Variants in A2M observed in about 807,000 individuals in gnomAD.
A2M encodes the protein C3 and PZP-like alpha-2-macroglobulin domain-containing protein 5.
Under a neutral mutation model 183.9 loss-of-function variants are expected in A2M, and 128 were observed. That is an observed-to-expected ratio of 0.70 (90% CI 0.60 to 0.81). The LOEUF (loss-of-function observed/expected upper bound fraction) is 0.81, where lower values mean the gene tolerates loss of function less well. Ranked by LOEUF, A2M falls within the 30% of genes least tolerant of loss-of-function variation. The probability of loss-of-function intolerance (pLI) is 0.00; values close to 1 mark genes in which losing one functional copy is unlikely to be tolerated. For synonymous variants in A2M, 592 were observed against 670.8 expected, an observed-to-expected ratio of 0.88 and a Z score of 1.81; for missense variants, 1,495 against 1,787.6, an observed-to-expected ratio of 0.84 and a Z score of 2.95.
intron 22 of A2M, among the ~76,000 whole-genome samples, chr12:9,083,575 T>C (rs182174315): frequency 5.9e-5 from 9 of 151,438 alleles, no homozygotes; most frequent in African/African-American, 2.2e-4. Context: ...AGCTCAAAGA[T>C]AGAGTATTTG....
At chr12:9,083,865 C>A (rs1048464960) in intron 22 of A2M, among the ~76,000 whole-genome samples, 8 of 151,238 alleles carry the variant, frequency 5.3e-5, no homozygotes, top group African/African-American at 1.9e-4. Context: ...GAAAGAACTG[C>A]TCACTAAGAC....
rs1422650502 is a variant in A2M at position 9,093,497 on chromosome 12, A to G, written c.2208T>C (p.Pro736=). The change falls in exon 18 of 36, where the codon CCT becomes CCC. Residue 736 remains proline (P), a synonymous_variant. Transcript: ENST00000318602. ...PHTETVRKYF[P]ETWIWDLVVV... ...CCACCAAATCCCAGATCCATGTCTC[A>G]GGGAAGTACTTTCGTACGGTCTCCG... 6.2e-7 allele frequency: 1 copy of G among 1,613,652 alleles called. No homozygotes were observed. Among genetic ancestry groups the G allele is most frequent in the African/African-American group, 1.3e-5 (1 of 74,916 alleles).
In A2M at chr12:9,115,785, T is replaced by C. The variant is rs1426214028; in HGVS notation, c.65A>G (p.Asp22Gly). Residue 22 changes from aspartate (D) to glycine (G), a missense_variant, in exon 1 of 36, where the codon GAC (aspartate) becomes GGC (glycine). Asp to Gly is a moderately conservative substitution (Grantham distance 94). Coordinates refer to ENST00000318602, the MANE Select transcript of A2M (RefSeq NM_000014.6). ...TCACGGTTTTCCAGAGACTGAGGCG[T>C]CTGTGGGCAGGAGGACCAAGAGGAG... Reference protein sequence around the residue: ...VLLLLVLLPTDASVSGKPQYM... With the variant: ...VLLLLVLLPTGASVSGKPQYM... 5.0e-6 allele frequency: 8 copies of C among 1,613,288 alleles called. No homozygotes were observed. The highest frequency in any genetic ancestry group is 6.8e-6 in the Non-Finnish European group (8 of 1,179,454).
chr12:9,089,831 T>G, intron 21 of A2M, 71 bp downstream of exon 21: 3 of 982,194 alleles, frequency 3.1e-6, no homozygotes, highest in Non-Finnish European at 4.3e-6. Context: ...TTATAAAATA[T>G]CCATATATTA....
intron 22 of A2M, among the ~76,000 whole-genome samples, chr12:9,080,968 C>T (rs1217426788): frequency 6.6e-6 from 1 of 152,070 alleles, no homozygotes. Flanking sequence ...GATGAACATA[C>T]ATTTACTACA....
intron 10 of A2M, 24 bp from the exon 11 acceptor site, chr12:9,104,424 A>G (rs1436916338): frequency 7.7e-6 from 12 of 1,563,082 alleles, no homozygotes; most frequent in African/African-American, 1.4e-5. Flanking sequence ...GCTGTGGATT[A>G]GTTATATTGG....
In A2M at chr12:9,101,644, C is replaced by T. The variant is rs576930283; in HGVS notation, c.1297G>A (p.Gly433Ser). 6.2e-6 allele frequency: 10 copies of T among 1,613,640 alleles called. No homozygotes were observed. The highest frequency in any genetic ancestry group is 4.4e-5 in the South Asian group (4 of 91,046). Residue 433 changes from glycine (G) to serine (S), a missense_variant, in exon 12 of 36, where the codon GGC (glycine) becomes AGC (serine). Physicochemically the swap from Gly to Ser is moderately conservative, Grantham distance 56. Coordinates refer to ENST00000318602, the MANE Select transcript of A2M (RefSeq NM_000014.6). ...VNYKDRSPCY[G>S]YQWVSEEHEE... ...TGTTCTTCTGACACCCACTGGTAGC[C>T]GTAACAGGGACTACGATCCTTGTAA...
intron 11 of A2M, among the ~76,000 whole-genome samples, chr12:9,102,601 C>G (rs1281591442): frequency 6.6e-6 from 1 of 152,160 alleles, no homozygotes; most frequent in African/African-American, 2.4e-5. Context: ...ACTTTTCTTC[C>G]TGTAGAAGTT....
chr12:9,078,646 C>A (rs1426121433), intron 25 of A2M, among the ~76,000 whole-genome samples: 1 of 152,184 alleles, frequency 6.6e-6, no homozygotes, highest in East Asian at 1.9e-4. Context: ...AACAAATTTA[C>A]ATTCAAGTAA....
Position 9,079,693 on chromosome 12 carries a change from T to A in A2M, c.2977A>T (p.Thr993Ser). 1.9e-6 allele frequency: 3 copies of A among 1,613,800 alleles called. No homozygotes were observed. Among genetic ancestry groups the A allele is most frequent in the African/African-American group, 2.7e-5 (2 of 75,042 alleles). ...TTGATCTCTGGAGTAAGCTGCTGTG[T>A]TTCATTTAGATAATCCAGTACATAG... Reference protein sequence around the residue: ...NIYVLDYLNETQQLTPEIKSK... With the variant: ...NIYVLDYLNESQQLTPEIKSK... Residue 993 changes from threonine (T) to serine (S), a missense_variant, in exon 24 of 36, where the codon ACA becomes TCA. By Grantham distance (58) the Thr-to-Ser change is moderately conservative. Coordinates refer to ENST00000318602, the MANE Select transcript of A2M (RefSeq NM_000014.6).
chr12:9,084,701 G>A (rs1565585740), intron 22 of A2M, among the ~76,000 whole-genome samples: 1 of 151,740 alleles, frequency 6.6e-6, no homozygotes, highest in Non-Finnish European at 1.5e-5. Context: ...GAATGCAAAT[G>A]GACTAAATTC....
At chr12:9,114,698 T>C (rs942386626) in intron 1 of A2M, among the ~76,000 whole-genome samples, 2 of 149,436 alleles carry the variant, frequency 1.3e-5, no homozygotes, top group Admixed American at 1.3e-4. Flanking sequence ...TGTATACTTA[T>C]GTTCACATAT....
intron 18 of A2M, 128 bp downstream of exon 18, chr12:9,093,337 A>G (rs1949267259): frequency 3.0e-6 from 2 of 656,470 alleles, no homozygotes; most frequent in Non-Finnish European, 5.5e-6. Context: ...ATGTGTATAT[A>G]TATATATCAA....
At position 9,108,120 on chromosome 12, in the gene A2M, T is replaced by C; in HGVS notation, c.759-476A>G. ...ACTTGTTTATTTTATTTTATTTTAT[T>C]TTATTTTATTTTATTTTATTTTTGA... On this transcript the variant is annotated intron_variant, in intron 7 of 35. Coordinates refer to ENST00000318602, the MANE Select transcript of A2M (RefSeq NM_000014.6). Among the ~76,000 whole-genome samples, 2 of 151,268 alleles carry C rather than the reference T, an allele frequency of 1.3e-5. 1 individual carries two copies. The highest frequency in any genetic ancestry group is 6.8e-3 in the Middle Eastern group (2 of 294).
In A2M at chr12:9,072,864, A is replaced by T; in HGVS notation, c.3764T>A (p.Val1255Glu). 11 of 1,613,714 alleles carry T rather than the reference A, an allele frequency of 6.8e-6. No individual in the cohort carries two copies. The highest frequency in any genetic ancestry group is 9.3e-6 in the Non-Finnish European group (11 of 1,179,758). Residue 1255 changes from valine to glutamate, a missense_variant, in exon 30 of 36, where the codon GTG (valine) becomes GAG (glutamate). Transcript: ENST00000318602. ...TTTGGACAGAGCATGGAGAGCCACC[A>T]CTGTGTCCTGTTAGAGACAGATGAG... Reference protein sequence around the residue: ...QGGFSSTQDTVVALHALSKYG... With the variant: ...QGGFSSTQDTEVALHALSKYG...
intron 1 of A2M, 63 bp from the exon 2 acceptor site, chr12:9,113,606 C>A (rs1938913776): frequency 6.8e-7 from 1 of 1,462,080 alleles, no homozygotes. Context: ...ATCAACAGCA[C>A]TTTTTTCCAT....
chr12:9,113,276 C>T (rs1938883682), intron 2 of A2M, 84 bp downstream of exon 2: 1 of 1,472,836 alleles, frequency 6.8e-7, no homozygotes, highest in Non-Finnish European at 9.2e-7. Context: ...TACCAACCTC[C>T]CAAAGCCTCA....
At chr12:9,086,735 G>A (rs1180118872) in intron 22 of A2M, among the ~76,000 whole-genome samples, 1 of 152,132 alleles carries the variant, frequency 6.6e-6, no homozygotes, top group African/African-American at 2.4e-5. Context: ...AACAAGACAA[G>A]GATACCCACT....
chr12:9,098,852 A>C, intron 14 of A2M, 96 bp from the exon 15 acceptor site: 1 of 1,399,852 alleles, frequency 7.1e-7, no homozygotes, highest in Non-Finnish European at 9.7e-7. Flanking sequence ...ACAATGTATA[A>C]CCACTCTGCT....
Sources: allele counts gnomAD v4.1 joint callset (sites outside exome capture counted in the v4.1 genomes callset), GRCh38; gene constraint gnomAD v4.1.1; transcripts MANE v1.5; gene names NCBI Gene and HGNC (gene_info 2026-07-23, HGNC 2026-07-21).